BICDL1: variants seen among roughly 807,000 people sequenced by gnomAD.
BICDL1 encodes the protein BICD family-like cargo adapter 1.
BICDL1 carries 20 observed loss-of-function variants against 76.8 expected under a neutral mutation model. The observed-to-expected ratio is 0.26, with a 90% CI of 0.18 to 0.38. BICDL1 has a LOEUF of 0.38. Ranked by LOEUF, BICDL1 falls within the 10% of genes least tolerant of loss-of-function variation. The probability of loss-of-function intolerance (pLI) is 1.00; values close to 1 mark genes in which losing one functional copy is unlikely to be tolerated. For missense variants in BICDL1, 700 were observed against 798.6 expected (o/e 0.88, Z 1.49); for synonymous variants, 383 against 337.1 (o/e 1.14, Z -1.49).
At chr12:120,063,459 G>A (rs1452745810) in intron 3 of BICDL1, among the ~76,000 whole-genome samples, 1 of 151,974 alleles carries the variant, frequency 6.6e-6, no homozygotes, top group Non-Finnish European at 1.5e-5. Flanking sequence ...GAAGATCTGT[G>A]CCCTGTGAGC....
chr12:119,993,086 T>A (rs1325675634), intron 1 of BICDL1: 1 of 151,140 alleles, frequency 6.6e-6, no homozygotes. Flanking sequence ...CCTGAGCAGC[T>A]GGGACTACAG....
chr12:120,089,620 G>T (rs1422561490), intron 8 of BICDL1, among the ~76,000 whole-genome samples: 1 of 152,024 alleles, frequency 6.6e-6, no homozygotes, highest in Non-Finnish European at 1.5e-5. Context: ...GATCTCAGGT[G>T]ATCCACCCGC....
chr12:120,027,868 T>A (rs1952340879), intron 2 of BICDL1, among the ~76,000 whole-genome samples: 1 of 152,206 alleles, frequency 6.6e-6, no homozygotes, highest in Admixed American at 6.5e-5. Context: ...CAGATCTGTT[T>A]ACTCTTAATT....
chr12:119,993,033 A>C (rs1271096094), intron 1 of BICDL1: 1 of 137,258 alleles, frequency 7.3e-6, no homozygotes, highest in African/African-American at 2.8e-5. Context: ...AGCTCACTGC[A>C]AGCTCCACCT....
intron 2 of BICDL1, among the ~76,000 whole-genome samples, chr12:120,042,631 C>G (rs1390842137): frequency 6.6e-6 from 1 of 151,962 alleles, no homozygotes; most frequent in Non-Finnish European, 1.5e-5. Flanking sequence ...ATGATGAAAC[C>G]CTGTCTCTAC....
In BICDL1 at chr12:120,064,735, C is replaced by G. The variant is rs1197608950; in HGVS notation, c.765C>G (p.Ile255Met). 6.2e-7 allele frequency: 1 copy of G among 1,607,290 alleles called. No individual in the cohort carries two copies. Among genetic ancestry groups the G allele is most frequent in the Non-Finnish European group, 8.5e-7 (1 of 1,177,004 alleles). ...IIRLESLQAE[I>M]KMLSDRKREL... ...CCTGTGGCTCTCCACCCTTTCAGAT[C>G]AAGATGCTGTCAGATCGGAAACGGG... The change falls in exon 4 of 10, where the codon ATC (isoleucine) becomes ATG (methionine). Residue 255 changes from isoleucine to methionine, a missense_variant and splice_region_variant. By Grantham distance (10) the Ile-to-Met change is conservative. Around this residue, in one of 3 missense-constraint regions of BICDL1, gnomAD observed 455 missense variants for 548.7 expected, o/e 0.83. Transcript: ENST00000548673.
At chr12:120,091,707 C>T in intron 9 of BICDL1, 3 of 985,358 alleles carry the variant, frequency 3.0e-6, no homozygotes, top group Non-Finnish European at 3.6e-6. Flanking sequence ...GGGGTCCACA[C>T]TCACTGCTAC....
chr12:120,040,561 A>C (rs143922053), intron 2 of BICDL1, among the ~76,000 whole-genome samples: 1 of 152,006 alleles, frequency 6.6e-6, no homozygotes, highest in Admixed American at 6.6e-5. Flanking sequence ...GACTATAGGC[A>C]TACACTACCA....
At chr12:120,050,570 A>G (rs1952837887) in intron 2 of BICDL1, among the ~76,000 whole-genome samples, 1 of 148,878 alleles carries the variant, frequency 6.7e-6, no homozygotes, top group Non-Finnish European at 1.5e-5. Flanking sequence ...CCTGGCCTAG[A>G]TCTGTTTTCT....
intron 2 of BICDL1, among the ~76,000 whole-genome samples, chr12:120,016,072 C>T (rs571255167): frequency 2.6e-5 from 4 of 152,212 alleles, no homozygotes; most frequent in Admixed American, 6.5e-5. Context: ...TGTCCCCACC[C>T]GCAGCCCCAG....
intron 9 of BICDL1, 169 bp from the exon 10 acceptor site, chr12:120,092,831 G>A (rs1028968273): frequency 4.1e-6 from 4 of 985,304 alleles, no homozygotes; most frequent in Non-Finnish European, 4.8e-6. Flanking sequence ...CGTGCGCCTG[G>A]TGTCTTGCCC....
chr12:120,009,920 T>C (rs1951921017), intron 2 of BICDL1, among the ~76,000 whole-genome samples: 1 of 152,248 alleles, frequency 6.6e-6, no homozygotes, highest in East Asian at 1.9e-4. Flanking sequence ...TTATAAGTGT[T>C]TTAGAGCTAA....
rs1873063826 is a variant in BICDL1 at position 120,071,074 on chromosome 12, T to C, written c.910-548T>C. Among the ~76,000 whole-genome samples, 1 of 151,746 alleles carries C rather than the reference T, an allele frequency of 6.6e-6. No individual in the cohort carries two copies. The highest frequency in any genetic ancestry group is 1.5e-5 in the Non-Finnish European group (1 of 67,978). ...CTTTTTTTATTTCTGTGTTCCTCCT[T>C]TATCTGTTTTTTCCCTTGCAATGTT... On this transcript the variant is annotated intron_variant, in intron 4 of 9. Transcript: ENST00000548673. The surrounding 1 kb of genome is among the most constrained non-coding windows in gnomAD (Gnocchi z 4.8).
intron 1 of BICDL1, chr12:119,992,564 T>A (rs1183245137): frequency 6.6e-6 from 1 of 152,244 alleles, no homozygotes; most frequent in Non-Finnish European, 1.5e-5. Context: ...TAAAAATGTT[T>A]CGTAGAGATG....
chr12:119,991,346 A>G (rs1181506143), intron 1 of BICDL1, among the ~76,000 whole-genome samples: 1 of 152,270 alleles, frequency 6.6e-6, no homozygotes, highest in East Asian at 1.9e-4. Context: ...TTGAACAGTC[A>G]GAATGGAAAT....
chr12:120,014,672 A>G (rs1952024342), intron 2 of BICDL1, among the ~76,000 whole-genome samples: 2 of 151,626 alleles, frequency 1.3e-5, no homozygotes, highest in South Asian at 4.2e-4. Flanking sequence ...AGCCTGTGAC[A>G]GAGCGAGACT....
intron 2 of BICDL1, among the ~76,000 whole-genome samples, chr12:120,025,689 G>A (rs1340209596): frequency 6.6e-6 from 1 of 152,060 alleles, no homozygotes; most frequent in Admixed American, 6.5e-5. Flanking sequence ...CATCAGTAAA[G>A]CTATTTTCAA....
intron 1 of BICDL1, among the ~76,000 whole-genome samples, chr12:119,995,456 G>GT (rs1951622984): frequency 6.6e-6 from 1 of 152,136 alleles, no homozygotes; most frequent in African/African-American, 2.4e-5. Flanking sequence ...CAGTTGCTTG[G>GT]TTGGGCTCTT....
intron 2 of BICDL1, among the ~76,000 whole-genome samples, chr12:120,001,859 G>A (rs1339801984): frequency 6.6e-6 from 1 of 152,102 alleles, no homozygotes; most frequent in Non-Finnish European, 1.5e-5. Flanking sequence ...AGACTAGCCT[G>A]AACTATACAG....
Sources: gnomAD v4.1 joint callset for allele counts (sites outside exome capture counted in the v4.1 genomes callset) on GRCh38, gnomAD v4.1.1 for gene constraint, gnomAD v4.1.1 regional missense constraint, Gnocchi (gnomAD v3.1) non-coding constraint, MANE v1.5 for transcripts, NCBI Gene and HGNC (gene_info 2026-07-23, HGNC 2026-07-21) for gene names.